ABCA13: variants seen among roughly 807,000 people sequenced by gnomAD.
ABCA13 encodes the protein ATP-binding cassette sub-family A member 13.
In ABCA13, 476 loss-of-function variants were observed where a neutral mutation model predicts 478.7. The ratio of observed to expected loss-of-function variants is 0.99; its 90% confidence interval spans 0.92 to 1.07. The LOEUF is 1.07. Among genes scored for constraint, ABCA13 ranks in the 50% least tolerant of loss-of-function variants. ABCA13 has a pLI of 0.00. For synonymous variants in ABCA13, 2,252 were observed against 2,158.9 expected, an observed-to-expected ratio of 1.04 and a Z score of -1.20; for missense variants, 6,060 against 5,910.6, an observed-to-expected ratio of 1.03 and a Z score of -0.83.
rs1033585304 is a variant in ABCA13 at position 48,584,932 on chromosome 7, A to G, written c.14506-2222A>G. ...CAGATAAAGCTTTCTAACAGGGTCTATCATGCTCTTAGTTTTCTTCTCTTT... is the reference window on the plus strand; with the variant it reads ...CAGATAAAGCTTTCTAACAGGGTCTGTCATGCTCTTAGTTTTCTTCTCTTT... On this transcript the variant is annotated intron_variant, in intron 56 of 61. Coordinates refer to ENST00000435803, the MANE Select transcript of ABCA13 (RefSeq NM_152701.5). Among the ~76,000 whole-genome samples the G allele has an allele frequency of 4.6e-5, 7 of 152,272 alleles. No homozygotes were observed. In the East Asian group the frequency reaches 1.2e-3, roughly 25 times the overall value.
At chr7:48,428,400 T>G (rs1821720462) in intron 42 of ABCA13, among the ~76,000 whole-genome samples, 1 of 152,154 alleles carries the variant, frequency 6.6e-6, no homozygotes. Context: ...TATCTAGGTG[T>G]GTGACTGAAG....
chr7:48,524,149 T>A, intron 53 of ABCA13, 99 bp from the exon 54 acceptor site: 1 of 1,134,962 alleles, frequency 8.8e-7, no homozygotes, highest in Non-Finnish European at 1.2e-6. Context: ...CCGAAGGTGA[T>A]ATCTTCAATT....
At chr7:48,609,903 C>T (rs1484427846) in intron 58 of ABCA13, among the ~76,000 whole-genome samples, 1 of 152,206 alleles carries the variant, frequency 6.6e-6, no homozygotes, top group Non-Finnish European at 1.5e-5. Flanking sequence ...CGGCCAGGCC[C>T]TTCCACCAAC....
At chr7:48,489,737 C>T (rs571867202) in intron 48 of ABCA13, among the ~76,000 whole-genome samples, 3 of 152,248 alleles carry the variant, frequency 2.0e-5, no homozygotes, top group South Asian at 4.1e-4. Flanking sequence ...GGAAGATGAA[C>T]ATCACATTTT....
intron 8 of ABCA13, among the ~76,000 whole-genome samples, chr7:48,238,005 T>C (rs1225233119): frequency 1.3e-5 from 2 of 152,226 alleles, no homozygotes; most frequent in African/African-American, 4.8e-5. Context: ...GGTTAATATT[T>C]TAAATCCTGA....
intron 29 of ABCA13, among the ~76,000 whole-genome samples, chr7:48,343,383 G>A (rs1433160741): frequency 4.6e-5 from 7 of 152,036 alleles, no homozygotes; most frequent in African/African-American, 7.2e-5. Flanking sequence ...CCCTATTTGG[G>A]TGGGGTGGGG....
chr7:48,273,287 A>T lies in ABCA13; in HGVS notation c.3621A>T (p.Arg1207Ser). The change falls in exon 17 of 62, where the codon AGA (arginine) becomes AGT (serine). Residue 1207 changes from arginine to serine, a missense_variant. By Grantham distance (110) the Arg-to-Ser change is moderately radical (BLOSUM62 -1). Transcript: ENST00000435803. ...TACTTCCCACCCATAATGTTGCTAGACTCATATTAAATTTGTTTAAAAATG... is the reference window on the plus strand; with the variant it reads ...TACTTCCCACCCATAATGTTGCTAGTCTCATATTAAATTTGTTTAAAAATG... ...QGILPTHNVA[R>S]LILNLFKNVT... 1 of 1,613,582 alleles carries T rather than the reference A, an allele frequency of 6.2e-7. No individual in the cohort carries two copies. Among genetic ancestry groups the T allele is most frequent in the African/African-American group, 1.3e-5 (1 of 75,016 alleles).
intron 1 of ABCA13, among the ~76,000 whole-genome samples, chr7:48,177,371 T>C (rs761819325): frequency 1.3e-5 from 2 of 152,214 alleles, no homozygotes; most frequent in Non-Finnish European, 2.9e-5. Flanking sequence ...CTAGAGGTCC[T>C]TGGGGTCAGG....
intron 42 of ABCA13, among the ~76,000 whole-genome samples, chr7:48,452,257 A>T (rs1825136939): frequency 3.3e-5 from 5 of 152,206 alleles, no homozygotes; most frequent in Admixed American, 2.6e-4. Flanking sequence ...CATTACATAG[A>T]GGGAAAATAT....
At chr7:48,403,961 AG>A (rs1254401668) in intron 39 of ABCA13, 82 bp downstream of exon 39, 1 of 1,482,868 alleles carries the variant, frequency 6.7e-7, no homozygotes, top group Non-Finnish European at 9.2e-7. Context: ...AGTAGAATCA[AG>A]TTGTATCCCA....
At chr7:48,304,376 T>C (rs1800591018) in intron 23 of ABCA13, among the ~76,000 whole-genome samples, 1 of 152,230 alleles carries the variant, frequency 6.6e-6, no homozygotes. Context: ...TAGTTCTCTT[T>C]AGGTTCTTTG....
chr7:48,527,881 T>C (rs940947556), intron 54 of ABCA13, among the ~76,000 whole-genome samples: 1 of 152,174 alleles, frequency 6.6e-6, no homozygotes, highest in Non-Finnish European at 1.5e-5. Flanking sequence ...ATAATAATTA[T>C]AATGATGTGA....
chr7:48,205,422 T>C (rs999616361), intron 3 of ABCA13, among the ~76,000 whole-genome samples: 2 of 152,236 alleles, frequency 1.3e-5, no homozygotes, highest in African/African-American at 4.8e-5. Flanking sequence ...TAAGTTTTTG[T>C]ATGTGGTGCA....
chr7:48,249,646 A>C (rs1026046900), intron 15 of ABCA13, among the ~76,000 whole-genome samples: 14 of 152,202 alleles, frequency 9.2e-5, no homozygotes, highest in Non-Finnish European at 1.6e-4. Flanking sequence ...TATGCAGACT[A>C]GTCATGATCC....
chr7:48,613,303 C>A (rs1036462027), intron 58 of ABCA13, among the ~76,000 whole-genome samples: 4 of 152,050 alleles, frequency 2.6e-5, no homozygotes, highest in Non-Finnish European at 4.4e-5. Flanking sequence ...ATTCTCCTGC[C>A]TCAGCCTCTT....
At chr7:48,242,182 C>T (rs570806897) in intron 10 of ABCA13, among the ~76,000 whole-genome samples, 4 of 152,120 alleles carry the variant, frequency 2.6e-5, no homozygotes, top group South Asian at 2.1e-4. Context: ...CTACAAATCT[C>T]GAATGCCCCC....
In ABCA13 at chr7:48,272,659, T is replaced by C; in HGVS notation, c.2993T>C (p.Ile998Thr). The C allele has an allele frequency of 6.2e-7, 1 of 1,613,122 alleles. No individual in the cohort carries two copies. The highest frequency in any genetic ancestry group is 8.5e-7 in the Non-Finnish European group (1 of 1,179,436). Residue 998 changes from isoleucine (I) to threonine (T), a missense_variant, in exon 17 of 62, where the codon ATC (isoleucine) becomes ACC (threonine). By Grantham distance (89) the Ile-to-Thr change is moderately conservative. This residue lies in a region of ABCA13 where 4,423 missense variants were observed against 4,309.1 expected (regional missense o/e 1.03). Coordinates refer to ENST00000435803, the MANE Select transcript of ABCA13 (RefSeq NM_152701.5). Reference protein sequence around the residue: ...LTQISKHILDIIKQFNFQNIS... With the variant: ...LTQISKHILDTIKQFNFQNIS... ...CAAATCTCAAAACACATTTTGGATA[T>C]CATAAAACAATTTAATTTCCAAAAC...
At chr7:48,381,382 C>T (rs1406940814) in intron 35 of ABCA13, among the ~76,000 whole-genome samples, 1 of 151,904 alleles carries the variant, frequency 6.6e-6, no homozygotes, top group African/African-American at 2.4e-5. Flanking sequence ...CACACACACA[C>T]ACACACACGC....
Position 48,245,956 on chromosome 7 carries a change from C to G in ABCA13, c.1585C>G (p.Gln529Glu). ...PGNSSIWGGL[Q>E]GLLCYCNSSE... ...AAACTCCAGCATATGGGGTGGTCTC[C>G]AGGGACTGTTGTGCTATTGTAACTC... The change falls in exon 13 of 62, where the codon CAG (glutamine) becomes GAG (glutamate). Residue 529 changes from glutamine (Q) to glutamate (E), a missense_variant. Coordinates refer to ENST00000435803, the MANE Select transcript of ABCA13 (RefSeq NM_152701.5). The G allele has an allele frequency of 3.7e-6, 6 of 1,613,788 alleles. No homozygotes were observed. Among genetic ancestry groups the G allele is most frequent in the Middle Eastern group, 3.3e-4 (2 of 6,062 alleles).
Sources: allele counts gnomAD v4.1 joint callset (sites outside exome capture counted in the v4.1 genomes callset), GRCh38; gene constraint gnomAD v4.1.1; regional missense constraint gnomAD v4.1.1; transcripts MANE v1.5; gene names NCBI Gene and HGNC (gene_info 2026-07-23, HGNC 2026-07-21).